The following SP3 variants were observed in gnomAD, a reference collection of about 807,000 sequenced individuals.
SP3 encodes the protein Sp3 transcription factor.
In SP3, 10 loss-of-function variants were observed where a neutral mutation model predicts 70.3. That is an observed-to-expected ratio of 0.14 (90% CI 0.09 to 0.24). SP3 has a LOEUF of 0.24. Among genes scored for constraint, SP3 ranks in the 10% least tolerant of loss-of-function variants. SP3 has a pLI of 1.00. For synonymous variants in SP3, 402 were observed against 333.5 expected, an observed-to-expected ratio of 1.21 and a Z score of -2.24; for missense variants, 825 against 914.6, an observed-to-expected ratio of 0.90 and a Z score of 1.26.
At chr2:173,935,521 T>C (rs1208860272) in intron 4 of SP3, among the ~76,000 whole-genome samples, 1 of 152,162 alleles carries the variant, frequency 6.6e-6, no homozygotes, top group Non-Finnish European at 1.5e-5. Flanking sequence ...TATTACCCAC[T>C]AAAACTTTAT....
At chr2:173,917,252 T>C (rs956095672) in intron 5 of SP3, among the ~76,000 whole-genome samples, 2 of 152,142 alleles carry the variant, frequency 1.3e-5, no homozygotes, top group Admixed American at 6.5e-5. Flanking sequence ...AAAATGAGTT[T>C]CAGAAAAGTT....
intron 3 of SP3, among the ~76,000 whole-genome samples, chr2:173,957,922 G>C (rs114095215): frequency 0.017 from 2,634 of 152,198 alleles, 34 homozygotes; most frequent in Non-Finnish European, 0.025. Flanking sequence ...ATGTCACTCT[G>C]CAACTTCAAT....
chr2:173,924,916 A>T (rs569045235), intron 4 of SP3, among the ~76,000 whole-genome samples: 2 of 152,208 alleles, frequency 1.3e-5, no homozygotes, highest in African/African-American at 2.4e-5. Flanking sequence ...TTTGAGACAG[A>T]GTGTCACATC....
rs1036749210 is a variant in SP3, at chr2:173,906,948, A to G, written c.*2993T>C. 5 of 152,234 alleles carry G rather than the reference A, an allele frequency of 3.3e-5. No individual in the cohort carries two copies. Among genetic ancestry groups the G allele is most frequent in the African/African-American group, 7.2e-5 (3 of 41,466 alleles). The allele number at this position is 152,234 out of a possible 1,614,324, so 9.4% of individuals were successfully genotyped here. ...CTATTTTCTATGAAATAGGCTTGAC[A>G]TGCTTTCAGCTTATATGTATGTGTA... On this transcript the variant is annotated 3_prime_UTR_variant, in exon 7 of 7. Coordinates refer to ENST00000310015, the MANE Select transcript of SP3 (RefSeq NM_003111.5).
chr2:173,964,318 G>T (rs1424632573), intron 2 of SP3, 87 bp downstream of exon 2: 3 of 606,548 alleles, frequency 4.9e-6, no homozygotes, highest in Non-Finnish European at 2.9e-6. Flanking sequence ...CGAGGAGGGA[G>T]GGGTGAGGCG....
chr2:173,941,397 C>T (rs919441934), intron 4 of SP3, among the ~76,000 whole-genome samples: 10 of 152,156 alleles, frequency 6.6e-5, no homozygotes, highest in African/African-American at 1.4e-4. Flanking sequence ...AACGTGAGAC[C>T]AGGAGTTCGA....
chr2:173,964,931 A>ACCGGGCCGCCCGCC (rs1691244209), intron 1 of SP3: 1 of 531,446 alleles, frequency 1.9e-6, no homozygotes. Context: ...CTCCCGGCGG[A>ACCGGGCCGCCCGCC]CCGGGCCGCC....
In SP3 at chr2:173,903,633, A is replaced by T. The variant is rs1360384408; in HGVS notation, c.*6308T>A. Among the ~76,000 whole-genome samples, 4 of 152,224 alleles carry T rather than the reference A, an allele frequency of 2.6e-5. No individual in the cohort carries two copies. Among genetic ancestry groups the T allele is most frequent in the Non-Finnish European group, 5.9e-5 (4 of 68,034 alleles). On this transcript the variant is annotated 3_prime_UTR_variant, in exon 7 of 7. Coordinates refer to ENST00000310015, the MANE Select transcript of SP3 (RefSeq NM_003111.5). ...ACCCAAACCTATTCTGAGTCCTAAC[A>T]CACAATGAAAATATACGTGACTTGG...
At chr2:173,961,910 C>G (rs1010738610) in intron 3 of SP3, among the ~76,000 whole-genome samples, 1 of 148,006 alleles carries the variant, frequency 6.8e-6, no homozygotes, top group Non-Finnish European at 1.5e-5. Context: ...GTGCAGGTAC[C>G]AGACATCATA....
At chr2:173,946,682 G>C (rs1018212463) in intron 4 of SP3, among the ~76,000 whole-genome samples, 20 of 149,794 alleles carry the variant, frequency 1.3e-4, no homozygotes, top group African/African-American at 4.4e-4. Context: ...GTTACTCCAC[G>C]ATCTTCTGAC....
chr2:173,951,731 G>A (rs1464367130), intron 4 of SP3, among the ~76,000 whole-genome samples: 1 of 152,152 alleles, frequency 6.6e-6, no homozygotes, highest in African/African-American at 2.4e-5. Flanking sequence ...GTTTCTTCAA[G>A]TTCAGTCCAA....
chr2:173,948,309 T>G (rs1238037203), intron 4 of SP3, among the ~76,000 whole-genome samples: 3 of 152,168 alleles, frequency 2.0e-5, no homozygotes, highest in Admixed American at 6.5e-5. Flanking sequence ...AATAAAGACT[T>G]CGCAAGTTTT....
chr2:173,932,119 A>T (rs377213709), intron 4 of SP3, among the ~76,000 whole-genome samples: 2 of 152,220 alleles, frequency 1.3e-5, no homozygotes, highest in African/African-American at 4.8e-5. Flanking sequence ...CTTTTGACTT[A>T]AAGTGAGATA....
At chr2:173,911,813 C>CTTTTTTTTTTTTTT (rs11448837) in intron 6 of SP3, among the ~76,000 whole-genome samples, 1 of 98,042 alleles carries the variant, frequency 1.0e-5, no homozygotes, top group Non-Finnish European at 1.9e-5. Flanking sequence ...TTTTATCTAC[C>CTTTTTTTTTTTTTT]TTTTTTTTTT....
intron 4 of SP3, among the ~76,000 whole-genome samples, chr2:173,926,658 C>T (rs998435425): frequency 6.6e-6 from 1 of 151,798 alleles, no homozygotes; most frequent in Non-Finnish European, 1.5e-5. Context: ...GGCCACAATG[C>T]CCAGATAATT....
chr2:173,935,188 T>G (rs1170069818), intron 4 of SP3, among the ~76,000 whole-genome samples: 1 of 152,124 alleles, frequency 6.6e-6, no homozygotes. Context: ...TAAGCTATGA[T>G]TATGCCACTG....
At chr2:173,962,547 G>A (rs1375312594) in intron 3 of SP3, among the ~76,000 whole-genome samples, 1 of 151,882 alleles carries the variant, frequency 6.6e-6, no homozygotes, top group Non-Finnish European at 1.5e-5. Flanking sequence ...ATGTTAATCT[G>A]CTTATGAAAA....
intron 4 of SP3, among the ~76,000 whole-genome samples, chr2:173,937,216 C>A (rs1368985566): frequency 2.0e-5 from 3 of 152,094 alleles, no homozygotes; most frequent in African/African-American, 2.4e-5. Context: ...AACAAGGCTG[C>A]CAAATGAAAG....
intron 4 of SP3, among the ~76,000 whole-genome samples, chr2:173,928,922 CATTAA>C (rs1689994061): frequency 6.6e-6 from 1 of 152,212 alleles, no homozygotes; most frequent in African/African-American, 2.4e-5. Flanking sequence ...TAATCTAACA[CATTAA>C]TCAGAATCAG....
Sources: allele counts gnomAD v4.1 joint callset (sites outside exome capture counted in the v4.1 genomes callset), GRCh38; gene constraint gnomAD v4.1.1; transcripts MANE v1.5; gene names NCBI Gene and HGNC (gene_info 2026-07-23, HGNC 2026-07-21).